The following CNTLN variants were observed in gnomAD, a reference collection of about 807,000 sequenced individuals.
The protein encoded by CNTLN is centlein, centrosomal protein.
A neutral mutation model predicts 180.0 loss-of-function variants in CNTLN; 212 were observed. That is an observed-to-expected ratio of 1.18 (90% confidence interval 1.05 to 1.32). CNTLN has a LOEUF of 1.32. Among genes scored for constraint, CNTLN ranks in the 40% most tolerant of loss-of-function variants. The pLI, the probability that CNTLN is intolerant of heterozygous loss-of-function variation, is 0.00. For missense variants in CNTLN, 2,095 were observed against 1,610.9 expected (o/e 1.30, Z -5.14); for synonymous variants, 722 against 563.1 (o/e 1.28, Z -3.99).
chr9:17,218,176 A>G, intron 2 of CNTLN, among the ~76,000 whole-genome samples: 1 of 152,174 alleles, frequency 6.6e-6, no homozygotes, highest in East Asian at 1.9e-4. Flanking sequence ...TATACTGGAA[A>G]TTAAATATAA....
At chr9:17,352,411 TA>T (rs1231258374) in intron 12 of CNTLN, among the ~76,000 whole-genome samples, 8,333 of 30,914 alleles carry the variant, frequency 0.27, 330 homozygotes, top group East Asian at 0.37. Context: ...TATATATATA[TA>T]TATATTTTTT....
rs762190103 is a variant in CNTLN at position 17,135,159 on chromosome 9, C to T, written c.94C>T (p.His32Tyr). ...ACGTGTTGGGCGGGGAGCTGAAGTA[C>T]ACGCAATGCGCAGCGAGGCCTCGGG... Reference protein sequence around the residue: ...SPRVGRGAEVHAMRSEASGFA... With the variant: ...SPRVGRGAEVYAMRSEASGFA... Residue 32 changes from histidine (H) to tyrosine (Y), a missense_variant, in exon 1 of 26, where the codon CAC becomes TAC. His to Tyr is a moderately conservative substitution (Grantham distance 83). Coordinates refer to ENST00000380647, the MANE Select transcript of CNTLN (RefSeq NM_017738.4). 9 of 1,609,540 alleles carry T rather than the reference C, an allele frequency of 5.6e-6. No individual in the cohort carries two copies. The highest frequency in any genetic ancestry group is 4.5e-5 in the South Asian group (4 of 89,840).
intron 2 of CNTLN, among the ~76,000 whole-genome samples, chr9:17,194,902 G>C (rs936793157): frequency 7.9e-5 from 12 of 152,250 alleles, no homozygotes; most frequent in African/African-American, 1.7e-4. Context: ...ATGTGGCAGC[G>C]ACGAGAAAAT....
chr9:17,329,231 G>T (rs1338777303), intron 8 of CNTLN, among the ~76,000 whole-genome samples: 1 of 151,932 alleles, frequency 6.6e-6, no homozygotes, highest in Non-Finnish European at 1.5e-5. Context: ...TTTTATTAAA[G>T]GAAACCTAGA....
intron 15 of CNTLN, among the ~76,000 whole-genome samples, chr9:17,407,451 C>A (rs1253834170): frequency 1.3e-5 from 2 of 152,084 alleles, no homozygotes; most frequent in African/African-American, 4.8e-5. Flanking sequence ...TTGTGATTAA[C>A]ATGACGTTGA....
chr9:17,354,204 G>A (rs533759488), intron 12 of CNTLN, among the ~76,000 whole-genome samples: 1 of 152,288 alleles, frequency 6.6e-6, no homozygotes, highest in African/African-American at 2.4e-5. Context: ...AGCCCGCCAT[G>A]CCTGAGCCTC....
intron 3 of CNTLN, among the ~76,000 whole-genome samples, chr9:17,227,114 A>G (rs1824522370): frequency 1.3e-5 from 2 of 151,598 alleles, no homozygotes; most frequent in African/African-American, 4.8e-5. Context: ...ACGAGAGCTC[A>G]TGAAAACTCA....
At chr9:17,232,059 G>T (rs767323968) in intron 3 of CNTLN, among the ~76,000 whole-genome samples, 1 of 152,006 alleles carries the variant, frequency 6.6e-6, no homozygotes, top group Non-Finnish European at 1.5e-5. Flanking sequence ...TATTCAGAAA[G>T]ATTTGTTGAA....
intron 25 of CNTLN, chr9:17,494,791 A>C (rs1833357919): frequency 5.8e-6 from 2 of 343,746 alleles, no homozygotes. Context: ...ATAGAAAAGT[A>C]TAGCGTATAC....
intron 15 of CNTLN, among the ~76,000 whole-genome samples, chr9:17,407,383 A>G (rs1827475404): frequency 1.3e-5 from 2 of 152,244 alleles, no homozygotes; most frequent in African/African-American, 4.8e-5. Flanking sequence ...GTAACCTTTT[A>G]AAATAGAATT....
intron 5 of CNTLN, among the ~76,000 whole-genome samples, chr9:17,241,398 C>T (rs540260457): frequency 1.3e-5 from 2 of 152,244 alleles, no homozygotes; most frequent in Non-Finnish European, 2.9e-5. Context: ...GTTCTCTATT[C>T]TGCTCCATTG....
chr9:17,271,243 A>G (rs868548658), intron 5 of CNTLN, among the ~76,000 whole-genome samples: 3 of 151,894 alleles, frequency 2.0e-5, no homozygotes, highest in South Asian at 2.1e-4. Flanking sequence ...GCCCAGCACT[A>G]TTTTTGTTTT....
At chr9:17,394,335 G>T (rs1311370773) in intron 14 of CNTLN, among the ~76,000 whole-genome samples, 199 bp from the exon 15 acceptor site, 3 of 151,990 alleles carry the variant, frequency 2.0e-5, no homozygotes, top group Admixed American at 6.6e-5. Context: ...TTTACCATCT[G>T]TCCTTTATTC....
chr9:17,413,488 G>A (rs1275845310), intron 16 of CNTLN, among the ~76,000 whole-genome samples: 2 of 152,098 alleles, frequency 1.3e-5, no homozygotes, highest in Non-Finnish European at 2.9e-5. Context: ...GCCACAGAGT[G>A]AGAGGAATAT....
intron 5 of CNTLN, among the ~76,000 whole-genome samples, chr9:17,268,253 C>G (rs1341522323): frequency 1.3e-5 from 2 of 152,184 alleles, no homozygotes; most frequent in African/African-American, 4.8e-5. Flanking sequence ...TTCCTTCTAT[C>G]AGACAGGACC....
intron 12 of CNTLN, among the ~76,000 whole-genome samples, chr9:17,360,114 A>T (rs951776637): frequency 3.3e-5 from 5 of 152,162 alleles, no homozygotes; most frequent in Admixed American, 1.3e-4. Flanking sequence ...GCTGTGCCTT[A>T]CAAATTTTGA....
intron 23 of CNTLN, among the ~76,000 whole-genome samples, chr9:17,477,204 C>G (rs1467056474): frequency 6.6e-6 from 1 of 152,128 alleles, no homozygotes; most frequent in Non-Finnish European, 1.5e-5. Flanking sequence ...AGATTCCTTT[C>G]AAAATATTGC....
intron 16 of CNTLN, among the ~76,000 whole-genome samples, chr9:17,411,338 C>T (rs1400438562): frequency 6.6e-6 from 1 of 152,174 alleles, no homozygotes; most frequent in East Asian, 1.9e-4. Context: ...TGTCCTACTC[C>T]AGGCAAACAC....
At chr9:17,422,452 G>C (rs1329255582) in intron 18 of CNTLN, among the ~76,000 whole-genome samples, 1 of 152,080 alleles carries the variant, frequency 6.6e-6, no homozygotes, top group East Asian at 1.9e-4. Flanking sequence ...CCATCTTTAA[G>C]CTCACTAGTC....
Sources: gnomAD v4.1 joint callset for allele counts (sites outside exome capture counted in the v4.1 genomes callset) on GRCh38, gnomAD v4.1.1 for gene constraint, MANE v1.5 for transcripts, NCBI Gene and HGNC (gene_info 2026-07-23, HGNC 2026-07-21) for gene names.